The following HECTD4 variants were observed in gnomAD, a reference collection of about 807,000 sequenced individuals.
HECTD4 encodes probable E3 ubiquitin-protein ligase HECTD4.
In HECTD4, 114 loss-of-function variants were observed where a neutral mutation model predicts 471.5. The observed-to-expected ratio is 0.24, with a 90% CI of 0.21 to 0.28. The LOEUF (loss-of-function observed/expected upper bound fraction) is 0.28, where lower values mean the gene tolerates loss of function less well. Among genes scored for constraint, HECTD4 ranks in the 10% least tolerant of loss-of-function variants. The pLI is 1.00. For missense variants in HECTD4, 3,866 were observed against 5,651.5 expected (o/e 0.68, Z 10.13); for synonymous variants, 2,012 against 2,256.0 (o/e 0.89, Z 3.07).
intron 1 of HECTD4, among the ~76,000 whole-genome samples, chr12:112,320,146 G>A (rs1463749891): frequency 6.6e-6 from 1 of 150,986 alleles, no homozygotes; most frequent in African/African-American, 2.4e-5. Context: ...ACCAGCCTGG[G>A]CAACATGGTG....
chr12:112,329,031 T>C (rs2035798156), intron 1 of HECTD4, among the ~76,000 whole-genome samples: 1 of 152,212 alleles, frequency 6.6e-6, no homozygotes, highest in African/African-American at 2.4e-5. Context: ...TTCAAATTCT[T>C]TTACCATGAA....
Position 112,381,822 on chromosome 12 carries a change from C to G in HECTD4, c.177+130G>C, listed in dbSNP as rs1323981964. 1 of 534,594 alleles carries G rather than the reference C, an allele frequency of 1.9e-6. No individual in the cohort carries two copies. The highest frequency in any genetic ancestry group is 2.8e-6 in the Non-Finnish European group (1 of 362,692). The allele number at this position is 534,594 out of a possible 1,614,324, so 33.1% of individuals were successfully genotyped here. ...GCCGCGGCCCCACCTGCCCGCCCCGCGCCCACACACACCTGCCCCGGCAGC... is the reference window on the plus strand; with the variant it reads ...GCCGCGGCCCCACCTGCCCGCCCCGGGCCCACACACACCTGCCCCGGCAGC... On this transcript the variant is annotated intron_variant, in intron 1 of 75. Coordinates refer to ENST00000682272, the MANE Select transcript of HECTD4 (RefSeq NM_001388303.1). The surrounding 1 kb of genome is among the most constrained non-coding windows in gnomAD (Gnocchi z 4.1).
intron 1 of HECTD4, among the ~76,000 whole-genome samples, chr12:112,356,576 C>T (rs1363258758): frequency 1.3e-5 from 2 of 152,040 alleles, no homozygotes; most frequent in African/African-American, 4.8e-5. Context: ...GTAGCTGGGA[C>T]TACAGGCGTG....
chr12:112,313,819 C>T (rs1158399150), intron 3 of HECTD4, among the ~76,000 whole-genome samples: 1 of 151,904 alleles, frequency 6.6e-6, no homozygotes, highest in African/African-American at 2.4e-5. Context: ...AATTACGAAG[C>T]TATGTTTATA....
intron 6 of HECTD4, among the ~76,000 whole-genome samples, chr12:112,307,515 T>A (rs1414901530): frequency 6.6e-6 from 1 of 152,218 alleles, no homozygotes; most frequent in Admixed American, 6.5e-5. Context: ...TAACTACCAG[T>A]CTTATAACTT....
intron 45 of HECTD4, among the ~76,000 whole-genome samples, chr12:112,217,917 T>G (rs902829260): frequency 6.6e-6 from 1 of 152,304 alleles, no homozygotes; most frequent in Admixed American, 6.5e-5. Flanking sequence ...TCAGTTTTAT[T>G]TTTAATCATT....
intron 2 of HECTD4, among the ~76,000 whole-genome samples, chr12:112,316,832 C>T (rs1472132199): frequency 6.8e-6 from 1 of 147,416 alleles, no homozygotes; most frequent in Non-Finnish European, 1.5e-5. Flanking sequence ...ATGATATTGG[C>T]AATAAAATGT....
rs10850012 is a variant in HECTD4 at position 112,211,727 on chromosome 12, A to G, written c.7629+760T>C. Among the ~76,000 whole-genome samples the G allele has an allele frequency of 0.055, 8,423 of 152,202 alleles. 1,293 individuals are homozygous for G. In the East Asian group the frequency reaches 0.61, roughly 11 times the overall value. ...TGCTGACAGGTTGGATGTGGAGCAG[A>G]AGAAAAAAGAGGAGTCAAGGAGAAT... On this transcript the variant is annotated intron_variant, in intron 49 of 75. Transcript: ENST00000682272.
chr12:112,190,258 T>G (rs2032033904), intron 60 of HECTD4, among the ~76,000 whole-genome samples: 1 of 152,240 alleles, frequency 6.6e-6, no homozygotes, highest in African/African-American at 2.4e-5. Flanking sequence ...CAAAATAAGT[T>G]GTAGACATCA....
At chr12:112,371,794 G>A (rs1272674266) in intron 1 of HECTD4, among the ~76,000 whole-genome samples, 1 of 148,362 alleles carries the variant, frequency 6.7e-6, no homozygotes, top group Non-Finnish European at 1.5e-5. Context: ...GCTGAGGCAG[G>A]AGAATCGCTT....
At chr12:112,375,032 C>A (rs1771110407) in intron 1 of HECTD4, among the ~76,000 whole-genome samples, 1 of 151,960 alleles carries the variant, frequency 6.6e-6, no homozygotes, top group South Asian at 2.1e-4. Flanking sequence ...GAGCCATCGC[C>A]CCAAAAGTTT....
intron 65 of HECTD4, 26 bp from the exon 66 acceptor site, chr12:112,175,885 A>T (rs775969079): frequency 1.6e-5 from 25 of 1,612,048 alleles, no homozygotes; most frequent in Non-Finnish European, 2.0e-5. Flanking sequence ...CAGTGTGAGG[A>T]ATCTGGTGAG....
At chr12:112,322,489 C>G (rs184468960) in intron 1 of HECTD4, 1 of 153,298 alleles carries the variant, frequency 6.5e-6, no homozygotes, top group Non-Finnish European at 1.5e-5. Flanking sequence ...AATGGCTGCT[C>G]TGGAAAAACA....
At chr12:112,304,176 A>G (rs1363756269) in intron 7 of HECTD4, among the ~76,000 whole-genome samples, 1 of 151,872 alleles carries the variant, frequency 6.6e-6, no homozygotes, top group African/African-American at 2.4e-5. Flanking sequence ...TAATTAAAAA[A>G]AAGCATATCA....
At chr12:112,222,997 C>T (rs963099480) in intron 44 of HECTD4, among the ~76,000 whole-genome samples, 3 of 152,128 alleles carry the variant, frequency 2.0e-5, no homozygotes, top group Non-Finnish European at 2.9e-5. Flanking sequence ...AGCTGCTAAG[C>T]CTGGATCTCA....
At chr12:112,218,214 C>T (rs1171118422) in intron 45 of HECTD4, among the ~76,000 whole-genome samples, 1 of 151,030 alleles carries the variant, frequency 6.6e-6, no homozygotes, top group Non-Finnish European at 1.5e-5. Context: ...GTGTATAAGT[C>T]AATGTTTTGT....
At chr12:112,369,934 T>C (rs758089103) in intron 1 of HECTD4, among the ~76,000 whole-genome samples, 2 of 152,130 alleles carry the variant, frequency 1.3e-5, no homozygotes, top group African/African-American at 2.4e-5. Flanking sequence ...AATAATGGCG[T>C]CCACCAAAAT....
At chr12:112,234,562 T>C (rs2033456629) in intron 37 of HECTD4, among the ~76,000 whole-genome samples, 6 of 152,188 alleles carry the variant, frequency 3.9e-5, no homozygotes, top group Admixed American at 3.9e-4. Context: ...GCCCTGCAGG[T>C]TTGTAATATT....
rs558182543 is a variant in HECTD4, at chr12:112,382,327, T to TGCCGCCGCCGCCGCC, written c.-214_-200dup. 532 of 356,246 alleles carry TGCCGCCGCCGCCGCC rather than the reference T, an allele frequency of 1.5e-3. 1 individual carries two copies. Among genetic ancestry groups the TGCCGCCGCCGCCGCC allele is most frequent in the African/African-American group, 2.2e-3 (93 of 42,664 alleles). 22.1% of individuals were successfully genotyped at this position (356,246 alleles called of 1,614,324 possible). A position where few individuals can be genotyped will look rare whatever the true frequency, so the allele number is the denominator to read the frequency against. On this transcript the variant is annotated 5_prime_UTR_variant, in exon 1 of 76. Transcript: ENST00000682272. ...ACCCCGGCCCGGGAGACCCCGGCCC[T>TGCCGCCGCCGCCGCC]GCCGCCGCCGCCGCCGCCGCCGCCG...
Sources: allele counts gnomAD v4.1 joint callset (sites outside exome capture counted in the v4.1 genomes callset), GRCh38; gene constraint gnomAD v4.1.1; non-coding constraint Gnocchi (gnomAD v3.1); transcripts MANE v1.5; gene names NCBI Gene and HGNC (gene_info 2026-07-23, HGNC 2026-07-21).